ANK3: variants seen among roughly 807,000 people sequenced by gnomAD.
ANK3 encodes the protein ankyrin-3.
In ANK3, 57 loss-of-function variants were observed where a neutral mutation model predicts 370.9. The ratio of observed to expected loss-of-function variants is 0.15; its 90% CI spans 0.12 to 0.19. The LOEUF (loss-of-function observed/expected upper bound fraction) is 0.19, where lower values mean the gene tolerates loss of function less well. Among genes scored for constraint, ANK3 ranks in the 10% least tolerant of loss-of-function variants. The pLI, the probability that ANK3 is intolerant of heterozygous loss-of-function variation, is 1.00. For synonymous variants in ANK3, 1,929 were observed against 1,946.3 expected (o/e 0.99, Z 0.23); for missense variants, 4,439 against 5,302.1 (o/e 0.84, Z 5.06).
intron 1 of ANK3, among the ~76,000 whole-genome samples, chr10:60,309,390 G>A (rs757104091): frequency 6.6e-6 from 1 of 152,144 alleles, no homozygotes; most frequent in Admixed American, 6.5e-5. Flanking sequence ...CCTTCTCTGA[G>A]GGGCTCCACT....
At chr10:60,713,067 A>G (rs2079732547) in intron 1 of ANK3, among the ~76,000 whole-genome samples, 1 of 152,214 alleles carries the variant, frequency 6.6e-6, no homozygotes, top group African/African-American at 2.4e-5. Flanking sequence ...GAAAATCAGT[A>G]AGGACATAGT....
At chr10:60,263,638 G>A (rs1375230074) in intron 6 of ANK3, among the ~76,000 whole-genome samples, 197 bp downstream of exon 6, 3 of 152,144 alleles carry the variant, frequency 2.0e-5, no homozygotes, top group Non-Finnish European at 4.4e-5. Context: ...GCATAGGGCC[G>A]CATTCCCCTC....
intron 2 of ANK3, among the ~76,000 whole-genome samples, chr10:60,402,002 A>G (rs1396713575): frequency 6.6e-6 from 1 of 152,202 alleles, no homozygotes; most frequent in Non-Finnish European, 1.5e-5. Context: ...CTGTCCAAGA[A>G]TTTTCTGTGA....
Position 60,205,982 on chromosome 10 carries a change from G to A in ANK3, c.1195-92C>T, listed in dbSNP as rs2096756566. The A allele has an allele frequency of 4.9e-6, 4 of 814,398 alleles. No individual in the cohort carries two copies. In the East Asian group the frequency reaches 7.9e-5, roughly 16 times the overall value. The allele number at this position is 814,398 out of a possible 1,614,324, so 50.4% of individuals were successfully genotyped here. A position where few individuals can be genotyped will look rare whatever the true frequency, so the allele number is the denominator to read the frequency against. ...GTAAATAGTTTTGCTAAAATGATGT[G>A]TGGTAAATTGAAATGAACAGAAAGT... On this transcript the variant is annotated intron_variant, in intron 10 of 43. Coordinates refer to ENST00000280772, the MANE Select transcript of ANK3 (RefSeq NM_020987.5).
In ANK3 at chr10:60,068,766, A is replaced by C; in HGVS notation, c.12115T>G (p.Ser4039Ala). The C allele has an allele frequency of 6.2e-7, 1 of 1,614,218 alleles. No homozygotes were observed. The highest frequency in any genetic ancestry group is 1.3e-5 in the African/African-American group (1 of 75,060). The change falls in exon 37 of 44, where the codon TCC becomes GCC. Residue 4039 changes from serine to alanine, a missense_variant. Transcript: ENST00000280772. The stretch of plus-strand genomic sequence containing the variant: ...GGCTGGCCACCCCGGGAAGTCTCGG[A>C]CAACGACGTGTTTCTTGAGGTACTT... ...EESTSRNTSL[S>A]ETSRGGQPSV...
chr10:60,199,324 C>T lies in ANK3; in HGVS notation c.1492-787G>A, dbSNP rs566300939. On this transcript the variant is annotated intron_variant, in intron 13 of 43. Coordinates refer to ENST00000280772, the MANE Select transcript of ANK3 (RefSeq NM_020987.5). The stretch of plus-strand genomic sequence containing the variant: ...GAAACGAGGCTAGAATAGAGGACAC[C>T]ATTTTGGAAGAATAAGGAGGATGAG... Among the ~76,000 whole-genome samples the T allele has an allele frequency of 1.3e-3, 195 of 152,096 alleles. 1 individual carries two copies. Among genetic ancestry groups the T allele is most frequent in the Non-Finnish European group, 1.2e-3 (81 of 68,004 alleles).
At chr10:60,623,783 C>T (rs1210712848) in intron 1 of ANK3, among the ~76,000 whole-genome samples, 1 of 152,132 alleles carries the variant, frequency 6.6e-6, no homozygotes, top group East Asian at 1.9e-4. Flanking sequence ...ATCTCTAAGC[C>T]CTTGGGATAT....
chr10:60,705,380 T>A (rs1409142991), intron 1 of ANK3, among the ~76,000 whole-genome samples: 1 of 152,190 alleles, frequency 6.6e-6, no homozygotes, highest in Non-Finnish European at 1.5e-5. Flanking sequence ...AGACACTATA[T>A]GATTTTTAAA....
intron 40 of ANK3, 48 bp from the exon 41 acceptor site, chr10:60,059,478 A>C: frequency 6.6e-7 from 1 of 1,507,204 alleles, no homozygotes; most frequent in Non-Finnish European, 9.2e-7. Flanking sequence ...ACGCTTAAGA[A>C]TAGCCTGTAC....
intron 16 of ANK3, among the ~76,000 whole-genome samples, chr10:60,188,325 T>A (rs960395487): frequency 6.6e-6 from 1 of 152,192 alleles, no homozygotes; most frequent in African/African-American, 2.4e-5. Context: ...TTGGGGGATG[T>A]TGCCCTGGTT....
chr10:60,186,348 T>TC (rs1555089803), intron 17 of ANK3, among the ~76,000 whole-genome samples: 911 of 43,430 alleles, frequency 0.021, 12 homozygotes, highest in African/African-American at 0.083. Context: ...TCTTTCTGTC[T>TC]TTTTTTTTTT....
chr10:60,568,802 T>C (rs2077521924), intron 2 of ANK3, among the ~76,000 whole-genome samples: 1 of 152,002 alleles, frequency 6.6e-6, no homozygotes, highest in South Asian at 2.1e-4. Flanking sequence ...TAAGGTTAAA[T>C]AAGGTAATAA....
At chr10:60,220,177 T>C (rs1162826234) in intron 8 of ANK3, among the ~76,000 whole-genome samples, 1 of 152,106 alleles carries the variant, frequency 6.6e-6, no homozygotes, top group Non-Finnish European at 1.5e-5. Context: ...AAACATTTCA[T>C]ACAGACTGCA....
At chr10:60,224,267 C>A (rs1307450094) in intron 8 of ANK3, among the ~76,000 whole-genome samples, 1 of 152,082 alleles carries the variant, frequency 6.6e-6, no homozygotes, top group East Asian at 1.9e-4. Context: ...TTTTAAAGCA[C>A]TCACATAATG....
chr10:60,088,051 T>C (rs1253263097), intron 29 of ANK3, 96 bp downstream of exon 29: 2 of 938,342 alleles, frequency 2.1e-6, no homozygotes. Context: ...TAATTAGCAG[T>C]ATCATTAGGA....
chr10:60,553,641 A>C (rs1397487047), intron 2 of ANK3, among the ~76,000 whole-genome samples: 1 of 152,168 alleles, frequency 6.6e-6, no homozygotes, highest in Non-Finnish European at 1.5e-5. Context: ...GTGCTCATTA[A>C]ATCATTTTTC....
chr10:60,188,710 T>C (rs987505919), intron 16 of ANK3, among the ~76,000 whole-genome samples: 1 of 152,188 alleles, frequency 6.6e-6, no homozygotes, highest in Admixed American at 6.5e-5. Flanking sequence ...ACTTCTAGAC[T>C]CTTCTGAAAC....
intron 2 of ANK3, among the ~76,000 whole-genome samples, chr10:60,570,109 A>G (rs925308363): frequency 6.6e-6 from 1 of 152,222 alleles, no homozygotes; most frequent in Non-Finnish European, 1.5e-5. Context: ...AAAGATATCT[A>G]CTTTTTGATA....
chr10:60,139,130 T>G lies in ANK3; in HGVS notation c.2615-43A>C, dbSNP rs776087077. On this transcript the variant is annotated intron_variant, in intron 23 of 43. Transcript: ENST00000280772. ...AAGCCCACATCAAAAGCTTCCCTTT[T>G]GAAAGTGTCAGCTGTGGAGAAAATC... 6 of 1,599,894 alleles carry G rather than the reference T, an allele frequency of 3.8e-6. No individual in the cohort carries two copies. The Admixed American group carries it at 7.0e-5, about 19-fold the overall frequency.
Sources: gnomAD v4.1 joint callset for allele counts (sites outside exome capture counted in the v4.1 genomes callset) on GRCh38, gnomAD v4.1.1 for gene constraint, MANE v1.5 for transcripts, NCBI Gene and HGNC (gene_info 2026-07-23, HGNC 2026-07-21) for gene names.